IGF2BP1: variants seen among roughly 807,000 people sequenced by gnomAD.
IGF2BP1 encodes insulin like growth factor 2 mRNA binding protein 1, also known as insulin-like growth factor 2 mRNA-binding protein 1.
A neutral mutation model predicts 74.9 loss-of-function variants in IGF2BP1; 11 were observed. That is an observed-to-expected ratio of 0.15 (90% CI 0.09 to 0.24). The LOEUF (loss-of-function observed/expected upper bound fraction) is 0.24. IGF2BP1 is among the 10% of genes least tolerant of loss of function. The pLI is 1.00. For missense variants in IGF2BP1, 440 were observed against 757.4 expected, an observed-to-expected ratio of 0.58 and a Z score of 4.92; for synonymous variants, 287 against 281.8, an observed-to-expected ratio of 1.02 and a Z score of -0.18.
intron 3 of IGF2BP1, 88 bp downstream of exon 3, chr17:49,025,754 GGGGAGGTCTGGGGCCAGGCTA>G: frequency 8.4e-7 from 1 of 1,184,642 alleles, no homozygotes; most frequent in Non-Finnish European, 1.2e-6. Flanking sequence ...AGAAATGATT[GGGGAGGTCTGGGGCCAGGCTA>G]GGGAGGCCTG....
intron 2 of IGF2BP1, among the ~76,000 whole-genome samples, chr17:49,012,165 A>G (rs535660405): frequency 6.6e-6 from 1 of 152,276 alleles, no homozygotes; most frequent in Non-Finnish European, 1.5e-5. Context: ...TTTGCCTCCC[A>G]AAGTGCTGGA....
chr17:49,006,299 C>T (rs1469496299), intron 2 of IGF2BP1, among the ~76,000 whole-genome samples: 10 of 152,142 alleles, frequency 6.6e-5, no homozygotes, highest in Admixed American at 6.5e-4. Flanking sequence ...ATTCTTAAGG[C>T]TCCAGGAGGG....
chr17:49,002,710 T>C (rs560268720), intron 2 of IGF2BP1, among the ~76,000 whole-genome samples: 1 of 152,126 alleles, frequency 6.6e-6, no homozygotes, highest in Admixed American at 6.5e-5. Context: ...TTTTTTTTTT[T>C]TTTTTGCTTT....
chr17:49,008,457 A>G (rs2041577774), intron 2 of IGF2BP1, among the ~76,000 whole-genome samples: 1 of 152,088 alleles, frequency 6.6e-6, no homozygotes, highest in Non-Finnish European at 1.5e-5. Flanking sequence ...GGCTTTTTAG[A>G]ATAGAGTGGA....
At chr17:48,998,914 A>G (rs1177352610) in intron 1 of IGF2BP1, among the ~76,000 whole-genome samples, 195 bp from the exon 2 acceptor site, 1 of 152,068 alleles carries the variant, frequency 6.6e-6, no homozygotes, top group Non-Finnish European at 1.5e-5. Context: ...AAAAATGAAT[A>G]ATAACGAATT....
At chr17:49,025,722 G>A (rs1001422336) in intron 3 of IGF2BP1, 56 bp downstream of exon 3, 3 of 1,516,930 alleles carry the variant, frequency 2.0e-6, no homozygotes, top group East Asian at 4.5e-5. Flanking sequence ...TGGAAAGTAC[G>A]TCTGGACTAG....
chr17:49,039,163 A>G (rs1002439721), intron 6 of IGF2BP1, among the ~76,000 whole-genome samples: 6 of 151,934 alleles, frequency 3.9e-5, no homozygotes, highest in Middle Eastern at 3.2e-3. Flanking sequence ...GGCGTGAGCT[A>G]CCACACCCGG....
chr17:49,025,639 A>T lies in IGF2BP1; in HGVS notation c.258A>T (p.Arg86=). The T allele has an allele frequency of 6.2e-7, 1 of 1,612,598 alleles. No individual in the cohort carries two copies. Among genetic ancestry groups the T allele is most frequent in the Non-Finnish European group, 8.5e-7 (1 of 1,179,780 alleles). ...KKQRSRKIQI[R]NIPPQLRWEV... ...TCAGGAGCCGGAAAATTCAAATCCG[A>T]AATATTCCACCCCAGCTCCGATGGG... Residue 86 remains arginine (R), a synonymous_variant, in exon 3 of 15, where the codon CGA becomes CGT. Transcript: ENST00000290341.
intron 2 of IGF2BP1, among the ~76,000 whole-genome samples, chr17:49,020,392 A>G (rs571898671): frequency 1.3e-5 from 2 of 152,184 alleles, no homozygotes; most frequent in Non-Finnish European, 2.9e-5. Flanking sequence ...TCTGAGATTC[A>G]TTATCTCATA....
Position 49,043,562 on chromosome 17 carries a change from A to T in IGF2BP1, c.1200+12A>T, listed in dbSNP as rs201439087. ...ATAGCTCCTTTATGGTAGGTGGAAG[A>T]TCTTATTACACGGGATCCCTGGGCC... On this transcript the variant is annotated intron_variant, in intron 10 of 14. Transcript: ENST00000290341. The T allele has an allele frequency of 6.2e-7, 1 of 1,613,328 alleles. No individual in the cohort carries two copies. Among genetic ancestry groups the T allele is most frequent in the Non-Finnish European group, 8.5e-7 (1 of 1,179,464 alleles).
At chr17:48,998,273 C>T (rs141731549) in intron 1 of IGF2BP1, among the ~76,000 whole-genome samples, 2,964 of 152,268 alleles carry the variant, frequency 0.019, 38 homozygotes, top group Middle Eastern at 0.092. Context: ...TTTCCACGCC[C>T]AGCCCCTCCC....
At chr17:49,009,538 G>C (rs964201756) in intron 2 of IGF2BP1, among the ~76,000 whole-genome samples, 2 of 150,470 alleles carry the variant, frequency 1.3e-5, no homozygotes, top group African/African-American at 2.4e-5. Context: ...TTGAAACCCT[G>C]TCTCTAATAA....
At chr17:49,001,452 T>A (rs1200241758) in intron 2 of IGF2BP1, among the ~76,000 whole-genome samples, 6 of 152,176 alleles carry the variant, frequency 3.9e-5, no homozygotes, top group Non-Finnish European at 8.8e-5. Context: ...AACTAAATGT[T>A]CCTGGTTGTT....
intron 7 of IGF2BP1, among the ~76,000 whole-genome samples, chr17:49,041,094 G>A (rs181779598): frequency 3.9e-5 from 6 of 152,152 alleles, no homozygotes; most frequent in African/African-American, 1.4e-4. Context: ...AGGGAGGATC[G>A]CATGAGCCCA....
chr17:49,043,866 G>T, intron 10 of IGF2BP1, 101 bp from the exon 11 acceptor site: 1 of 1,515,176 alleles, frequency 6.6e-7, no homozygotes, highest in South Asian at 1.3e-5. Flanking sequence ...GCGGTTTGGT[G>T]CCTGTACTCC....
intron 2 of IGF2BP1, among the ~76,000 whole-genome samples, chr17:49,001,425 AT>A (rs1471483730): frequency 1.3e-5 from 2 of 152,212 alleles, no homozygotes; most frequent in Non-Finnish European, 2.9e-5. Flanking sequence ...TTCTAAAATA[AT>A]TCATAAAAAC....
intron 2 of IGF2BP1, among the ~76,000 whole-genome samples, chr17:49,003,731 G>T (rs2041511418): frequency 6.9e-6 from 1 of 145,402 alleles, no homozygotes; most frequent in Non-Finnish European, 1.5e-5. Context: ...AGCAGGGGGA[G>T]ACTGGAGAAA....
chr17:49,001,587 G>A (rs1273968151), intron 2 of IGF2BP1, among the ~76,000 whole-genome samples: 1 of 152,108 alleles, frequency 6.6e-6, no homozygotes, highest in Non-Finnish European at 1.5e-5. Context: ...AAGAACTCAA[G>A]AGGCCGAACA....
At chr17:49,009,854 T>C (rs2041595215) in intron 2 of IGF2BP1, among the ~76,000 whole-genome samples, 1 of 151,736 alleles carries the variant, frequency 6.6e-6, no homozygotes, top group South Asian at 2.1e-4. Flanking sequence ...CCGAGGTGGG[T>C]GGATCACCTG....
Sources: allele counts gnomAD v4.1 joint callset (sites outside exome capture counted in the v4.1 genomes callset), GRCh38; gene constraint gnomAD v4.1.1; transcripts MANE v1.5; gene names NCBI Gene and HGNC (gene_info 2026-07-23, HGNC 2026-07-21).